Variants in HSPBAP1 observed in about 807,000 individuals in gnomAD.
The protein encoded by HSPBAP1 is HSPB1 associated protein 1.
A neutral mutation model predicts 45.2 loss-of-function variants in HSPBAP1; 27 were observed. The ratio of observed to expected loss-of-function variants is 0.60; its 90% CI spans 0.44 to 0.82. The LOEUF (loss-of-function observed/expected upper bound fraction) is 0.82. HSPBAP1 is among the 40% of genes least tolerant of loss of function. The probability of loss-of-function intolerance (pLI) is 0.00; values close to 1 mark genes in which losing one functional copy is unlikely to be tolerated. For synonymous variants in HSPBAP1, 204 were observed against 202.7 expected (o/e 1.01, Z -0.06); for missense variants, 510 against 590.9 (o/e 0.86, Z 1.42).
At chr3:122,783,130 T>C (rs561473133) in intron 1 of HSPBAP1, among the ~76,000 whole-genome samples, 31 of 152,364 alleles carry the variant, frequency 2.0e-4, no homozygotes, top group African/African-American at 7.5e-4. Context: ...TTGGTCTCAC[T>C]GAAAAGTAGC....
At chr3:122,772,861 T>A (rs1213272333) in intron 2 of HSPBAP1, among the ~76,000 whole-genome samples, 1 of 152,158 alleles carries the variant, frequency 6.6e-6, no homozygotes, top group East Asian at 1.9e-4. Flanking sequence ...TTTTTTTACT[T>A]ATTTTTTTAT....
chr3:122,760,115 C>A (rs1934514990), intron 3 of HSPBAP1, among the ~76,000 whole-genome samples: 1 of 152,216 alleles, frequency 6.6e-6, no homozygotes, highest in Admixed American at 6.5e-5. Flanking sequence ...ACTTAAGACT[C>A]TCCATATGCC....
At position 122,780,607 on chromosome 3, in the gene HSPBAP1, AC is replaced by A. The variant is rs1195908120; in HGVS notation, c.65-2702del. Among the ~76,000 whole-genome samples the A allele has an allele frequency of 8.6e-5, 11 of 128,462 alleles. 1 individual carries two copies. In the South Asian group the frequency reaches 2.5e-3, roughly 30 times the overall value. 84.3% of individuals were successfully genotyped at this position (128,462 alleles called of 152,430 possible). A position where few individuals can be genotyped will look rare whatever the true frequency, so the allele number is the denominator to read the frequency against. On this transcript the variant is annotated intron_variant, in intron 1 of 7. Transcript: ENST00000306103. Reference sequence around the variant, plus strand: ...GGGCGGCTGGCCGGGCGGGGGGCTGACCCCCCCACATCCCTCCCGGACAGGG... The same window carrying A: ...GGGCGGCTGGCCGGGCGGGGGGCTGACCCCCCACATCCCTCCCGGACAGGG...
chr3:122,758,169 C>G (rs1934426186), intron 4 of HSPBAP1, among the ~76,000 whole-genome samples: 1 of 152,198 alleles, frequency 6.6e-6, no homozygotes, highest in Non-Finnish European at 1.5e-5. Flanking sequence ...CTGTTTTACT[C>G]TCTGTGCTGC....
intron 1 of HSPBAP1, among the ~76,000 whole-genome samples, chr3:122,779,055 G>A (rs543446170): frequency 6.7e-6 from 1 of 149,390 alleles, no homozygotes; most frequent in East Asian, 2.0e-4. Flanking sequence ...TTTTTTGTGA[G>A]ACAGAGTCTC....
chr3:122,788,567 T>C (rs1172472699), intron 1 of HSPBAP1, among the ~76,000 whole-genome samples: 1 of 152,254 alleles, frequency 6.6e-6, no homozygotes, highest in Non-Finnish European at 1.5e-5. Flanking sequence ...TGTTGACGAA[T>C]GGATAAGCAA....
In HSPBAP1 at chr3:122,768,745, T is replaced by C. The variant is rs763164775; in HGVS notation, c.388A>G (p.Lys130Glu). Residue 130 changes from lysine to glutamate, a missense_variant, in exon 3 of 8, where the codon AAA becomes GAA. By Grantham distance (56) the Lys-to-Glu change is moderately conservative (BLOSUM62 1). Transcript: ENST00000306103. ...TCTTCAAATAGACTGACAAAATATT[T>C]ATAGTCAGCATAAGCCCAGAACTTG... ...HSKFWAYADY[K>E]YFVSLFEDKT... 7 of 1,613,026 alleles carry C rather than the reference T, an allele frequency of 4.3e-6. No individual in the cohort carries two copies. The South Asian group carries it at 7.7e-5, about 18-fold the overall frequency.
chr3:122,757,621 C>A (rs1934401000), intron 4 of HSPBAP1, among the ~76,000 whole-genome samples: 1 of 152,184 alleles, frequency 6.6e-6, no homozygotes, highest in Admixed American at 6.5e-5. Context: ...GGGTGTCTTA[C>A]TCCCTCACCT....
chr3:122,759,117 G>A, intron 4 of HSPBAP1, 107 bp downstream of exon 4: 1 of 1,439,384 alleles, frequency 6.9e-7, no homozygotes. Context: ...GGATGGGGCT[G>A]GGACTACACC....
chr3:122,754,571 G>A (rs1192748439), intron 5 of HSPBAP1: 1 of 984,928 alleles, frequency 1.0e-6, no homozygotes, highest in African/African-American at 1.7e-5. Flanking sequence ...AGCAGGAAAA[G>A]AGCCAGTGAG....
chr3:122,763,327 A>G (rs1275294401), intron 3 of HSPBAP1, among the ~76,000 whole-genome samples: 1 of 152,220 alleles, frequency 6.6e-6, no homozygotes, highest in Non-Finnish European at 1.5e-5. Context: ...CCTTCTGGAC[A>G]TGATCAAAAT....
chr3:122,740,854 C>T lies in HSPBAP1; in HGVS notation c.958G>A (p.Val320Ile). 1 of 1,614,074 alleles carries T rather than the reference C, an allele frequency of 6.2e-7. No homozygotes were observed. The highest frequency in any genetic ancestry group is 1.1e-5 in the South Asian group (1 of 91,088). ...GCTGCATTTAAGTAGCAACAGTTGA[C>T]TGCATGGGACGTTTCCTCAACCTAA... ...PTEVEETSHA[V>I]NCCYLNAAVS... Residue 320 changes from valine (V) to isoleucine (I), a missense_variant, in exon 8 of 8, where the codon GTC becomes ATC. Val to Ile is a conservative substitution (Grantham distance 29). Coordinates refer to ENST00000306103, the MANE Select transcript of HSPBAP1 (RefSeq NM_024610.6).
In HSPBAP1 at chr3:122,759,083, C is replaced by T. The variant is rs1480462806; in HGVS notation, c.569+141G>A. 5.5e-6 allele frequency: 7 copies of T among 1,275,428 alleles called. No homozygotes were observed. The Admixed American group carries it at 1.3e-4, about 24-fold the overall frequency. The allele number at this position is 1,275,428 out of a possible 1,614,324, so 79.0% of individuals were successfully genotyped here. A position where few individuals can be genotyped will look rare whatever the true frequency, so the allele number is the denominator to read the frequency against. On this transcript the variant is annotated intron_variant, in intron 4 of 7. Transcript: ENST00000306103. ...CCAAAACCAGAGGTTAAGAGGTCTG[C>T]CCTAATCATGAGGCAGGCTGACAGG... is the stretch of plus-strand genomic sequence containing the variant.
At chr3:122,755,663 G>A (rs987799817) in intron 4 of HSPBAP1, among the ~76,000 whole-genome samples, 5 of 150,732 alleles carry the variant, frequency 3.3e-5, no homozygotes, top group Middle Eastern at 3.4e-3. Flanking sequence ...GATGTCTCAG[G>A]ACATCCATGA....
intron 3 of HSPBAP1, among the ~76,000 whole-genome samples, chr3:122,759,840 T>C (rs1317044492): frequency 6.6e-6 from 1 of 152,202 alleles, no homozygotes; most frequent in Non-Finnish European, 1.5e-5. Context: ...CTCTAAGCAG[T>C]GCAGATATTT....
At chr3:122,758,791 A>G (rs1934446176) in intron 4 of HSPBAP1, 1 of 454,300 alleles carries the variant, frequency 2.2e-6, no homozygotes, top group Non-Finnish European at 4.4e-6. Context: ...TAGATACTTG[A>G]GAGGCTGCGG....
chr3:122,783,459 C>T (rs1403737161), intron 1 of HSPBAP1, among the ~76,000 whole-genome samples: 1 of 152,164 alleles, frequency 6.6e-6, no homozygotes, highest in Non-Finnish European at 1.5e-5. Flanking sequence ...ACTACTTGTA[C>T]AAAACGTCAA....
At chr3:122,793,496 G>A (rs1935901104) in intron 1 of HSPBAP1, 121 bp downstream of exon 1, 1 of 768,370 alleles carries the variant, frequency 1.3e-6, no homozygotes. Flanking sequence ...TTTCTTCATA[G>A]TCTAATGCAA....
chr3:122,762,242 A>G (rs919041419), intron 3 of HSPBAP1, among the ~76,000 whole-genome samples: 15 of 151,878 alleles, frequency 9.9e-5, no homozygotes, highest in Non-Finnish European at 1.5e-4. Context: ...TGCTATTTTT[A>G]TCAGAAAACT....
Sources: allele counts gnomAD v4.1 joint callset (sites outside exome capture counted in the v4.1 genomes callset), GRCh38; gene constraint gnomAD v4.1.1; transcripts MANE v1.5; gene names NCBI Gene and HGNC (gene_info 2026-07-23, HGNC 2026-07-21).